Variants in TRABD2B observed in about 807,000 individuals in gnomAD.
TRABD2B encodes metalloprotease TIKI2.
In TRABD2B, 14 loss-of-function variants were observed where a neutral mutation model predicts 40.1. That is an observed-to-expected ratio of 0.35 (90% CI 0.23 to 0.55). The LOEUF (loss-of-function observed/expected upper bound fraction) is 0.55, where lower values mean the gene tolerates loss of function less well. Ranked by LOEUF, TRABD2B falls within the 20% of genes least tolerant of loss-of-function variation. TRABD2B has a pLI of 0.90. For missense variants in TRABD2B, 541 were observed against 648.6 expected (o/e 0.83, Z 1.80); for synonymous variants, 263 against 277.0 (o/e 0.95, Z 0.50).
chr1:47,915,124 A>C (rs1159786223), intron 2 of TRABD2B, among the ~76,000 whole-genome samples: 1 of 152,230 alleles, frequency 6.6e-6, no homozygotes, highest in Non-Finnish European at 1.5e-5. Context: ...GGCACACAGT[A>C]GGGGTGCAGT....
chr1:47,914,308 A>C (rs903042921), intron 2 of TRABD2B, among the ~76,000 whole-genome samples: 1 of 152,236 alleles, frequency 6.6e-6, no homozygotes, highest in African/African-American at 2.4e-5. Flanking sequence ...GCAGGAAGAG[A>C]GGTGTCTGAC....
chr1:47,908,354 GA>G (rs1396487445), intron 2 of TRABD2B, among the ~76,000 whole-genome samples: 7 of 152,098 alleles, frequency 4.6e-5, no homozygotes, highest in South Asian at 2.1e-4. Flanking sequence ...CATAAAAAGA[GA>G]AAAAAAGAGG....
intron 2 of TRABD2B, chr1:47,818,303 G>GA (rs1645062408): frequency 6.6e-6 from 1 of 152,342 alleles, no homozygotes; most frequent in African/African-American, 2.4e-5. Flanking sequence ...GGGGAGTGGG[G>GA]ACCACAGGGC....
rs1297436355 is a variant in TRABD2B, at chr1:47,794,567, T to C, written c.988+19A>G. On this transcript the variant is annotated intron_variant, in intron 4 of 6. Coordinates refer to ENST00000606738, the MANE Select transcript of TRABD2B (RefSeq NM_001194986.2). ...TCCCAGGATTCTGCAAACAATCCCT[T>C]CCCCACACTGGCCCAAACCTGCTCC... The C allele has an allele frequency of 2.7e-6, 4 of 1,507,342 alleles. No individual in the cohort carries two copies. The highest frequency in any genetic ancestry group is 3.5e-6 in the Non-Finnish European group (4 of 1,128,118). 93.4% of individuals were successfully genotyped at this position (1,507,342 alleles called of 1,614,324 possible).
chr1:47,852,600 A>T lies in TRABD2B; in HGVS notation c.667-50981T>A, dbSNP rs150220592. ...TGTCAGCTCTCAGCAGGACCAGCAG[A>T]CTCTCAAAGCACGCTGTGATTGCCC... On this transcript the variant is annotated intron_variant, in intron 2 of 6. Transcript: ENST00000606738. 2.3e-3 allele frequency among the ~76,000 whole-genome samples: 353 copies of T among 152,110 alleles called. 6 individuals are homozygous for T. The highest frequency in any genetic ancestry group is 0.014 in the East Asian group (70 of 5,146).
intron 2 of TRABD2B, among the ~76,000 whole-genome samples, chr1:47,931,180 A>G (rs1645035264): frequency 6.6e-6 from 1 of 152,248 alleles, no homozygotes; most frequent in South Asian, 2.1e-4. Flanking sequence ...TTATGTGTAG[A>G]ATAGGCCACT....
At chr1:47,767,816 G>A (rs183306427) in intron 6 of TRABD2B, among the ~76,000 whole-genome samples, 14 of 152,306 alleles carry the variant, frequency 9.2e-5, no homozygotes, top group African/African-American at 2.6e-4. Flanking sequence ...GGGTCACTCC[G>A]GGCTGCATTT....
intron 2 of TRABD2B, among the ~76,000 whole-genome samples, chr1:47,917,459 G>C (rs547895574): frequency 6.6e-6 from 1 of 152,276 alleles, no homozygotes; most frequent in East Asian, 1.9e-4. Context: ...AGTGGCTCAC[G>C]CCTGTAATCC....
chr1:47,969,747 T>G (rs1645653840), intron 2 of TRABD2B, among the ~76,000 whole-genome samples: 1 of 152,130 alleles, frequency 6.6e-6, no homozygotes, highest in African/African-American at 2.4e-5. Context: ...AGAATCAGAT[T>G]CACAAACCTA....
At chr1:47,766,235 G>T in intron 6 of TRABD2B, 129 bp from the exon 7 acceptor site, 1 of 626,684 alleles carries the variant, frequency 1.6e-6, no homozygotes, top group Non-Finnish European at 2.9e-6. Context: ...CAAGGAGCTT[G>T]AGCAGGCAAA....
In TRABD2B at chr1:47,930,673, A is replaced by G. The variant is rs147142790; in HGVS notation, c.666+63361T>C. Among the ~76,000 whole-genome samples the G allele has an allele frequency of 6.9e-4, 105 of 152,236 alleles. 1 individual carries two copies. The highest frequency in any genetic ancestry group is 2.5e-3 in the African/African-American group (103 of 41,550). On this transcript the variant is annotated intron_variant, in intron 2 of 6. Coordinates refer to ENST00000606738, the MANE Select transcript of TRABD2B (RefSeq NM_001194986.2). ...GCCTTCATCCTCTGGTCTCCTCTTC[A>G]AGGATCCCTTATCCCGAGAAAGAAC...
intron 2 of TRABD2B, among the ~76,000 whole-genome samples, chr1:47,992,938 T>C (rs1262077298): frequency 1.3e-5 from 2 of 152,234 alleles, no homozygotes; most frequent in African/African-American, 4.8e-5. Context: ...GGGACAATAT[T>C]GCATTTCCCT....
chr1:47,888,968 C>T (rs1402928445), intron 2 of TRABD2B, among the ~76,000 whole-genome samples: 1 of 152,212 alleles, frequency 6.6e-6, no homozygotes, highest in African/African-American at 2.4e-5. Flanking sequence ...CCGCGCTCCC[C>T]AGCCCCTGTA....
At chr1:47,837,006 C>T (rs1645328136) in intron 2 of TRABD2B, among the ~76,000 whole-genome samples, 1 of 152,216 alleles carries the variant, frequency 6.6e-6, no homozygotes, top group Non-Finnish European at 1.5e-5. Flanking sequence ...ATCTGGGGTC[C>T]CCCAAAGCCT....
At chr1:47,910,764 T>C (rs1314852644) in intron 2 of TRABD2B, among the ~76,000 whole-genome samples, 1 of 152,230 alleles carries the variant, frequency 6.6e-6, no homozygotes, top group Admixed American at 6.5e-5. Flanking sequence ...TGGCATAGAT[T>C]GCTCTTTTAC....
chr1:47,874,359 G>A (rs1644190821), intron 2 of TRABD2B, among the ~76,000 whole-genome samples: 1 of 137,982 alleles, frequency 7.2e-6, no homozygotes, highest in Non-Finnish European at 1.5e-5. Flanking sequence ...TGCAAGCTCC[G>A]CTTCCCGGGT....
intron 2 of TRABD2B, among the ~76,000 whole-genome samples, chr1:47,908,346 TAAAAAGAGAA>T (rs1644706113): frequency 6.6e-6 from 1 of 152,080 alleles, no homozygotes; most frequent in African/African-American, 2.4e-5. Context: ...GATGATTACA[TAAAAAGAGAA>T]AAAAAGAGGA....
intron 2 of TRABD2B, among the ~76,000 whole-genome samples, chr1:47,825,036 C>G (rs1645157187): frequency 6.6e-6 from 1 of 152,226 alleles, no homozygotes; most frequent in Non-Finnish European, 1.5e-5. Flanking sequence ...GGGGGAATCT[C>G]AGGCTCAGAG....
At chr1:47,827,785 ACC>A (rs1051423516) in intron 2 of TRABD2B, among the ~76,000 whole-genome samples, 1 of 147,250 alleles carries the variant, frequency 6.8e-6, no homozygotes, top group Non-Finnish European at 1.5e-5. Flanking sequence ...ACAATGAGGT[ACC>A]CCCCCTTATT....
Sources: allele counts gnomAD v4.1 joint callset (sites outside exome capture counted in the v4.1 genomes callset), GRCh38; gene constraint gnomAD v4.1.1; transcripts MANE v1.5; gene names NCBI Gene and HGNC (gene_info 2026-07-23, HGNC 2026-07-21).